FRMPD3: variants seen among roughly 807,000 people sequenced by gnomAD.
FRMPD3 encodes the protein FERM and PDZ domain-containing protein 3.
Under a neutral mutation model 97.9 loss-of-function variants are expected in FRMPD3, and 42 were observed. The ratio of observed to expected loss-of-function variants is 0.43; its 90% CI spans 0.34 to 0.55. The LOEUF is 0.55. Among genes scored for constraint, FRMPD3 ranks in the 20% least tolerant of loss-of-function variants. The pLI is 0.03. For missense variants in FRMPD3, 1,303 were observed against 1,457.7 expected (o/e 0.89, Z 1.73); for synonymous variants, 577 against 581.1 (o/e 0.99, Z 0.10).
chrX:107,498,239 T>C (rs1220314444), intron 1 of FRMPD3, among the ~76,000 whole-genome samples: 2 of 112,205 alleles, frequency 1.8e-5, no homozygotes, highest in African/African-American at 6.5e-5. Flanking sequence ...GGAATTCAGA[T>C]CGCCTGAAGG....
At chrX:107,467,862 A>C in intron 1 of FRMPD3, among the ~76,000 whole-genome samples, 1 of 110,629 alleles carries the variant, frequency 9.0e-6, no homozygotes, top group African/African-American at 3.4e-5. Context: ...CTCCTGTTCT[A>C]AGACCAAGAT....
chrX:107,527,037 CA>C lies in FRMPD3; in HGVS notation c.148+311del, dbSNP rs56244682. 2.9e-3 allele frequency among the ~76,000 whole-genome samples: 308 copies of C among 105,784 alleles called. 1 individual carries two copies. The highest frequency in any genetic ancestry group is 9.5e-3 in the African/African-American group (278 of 29,224). The allele number at this position is 105,784 out of a possible 115,157, so 91.9% of individuals were successfully genotyped here. A position where few individuals can be genotyped will look rare whatever the true frequency, so the allele number is the denominator to read the frequency against. On this transcript the variant is annotated intron_variant, in intron 2 of 14. Transcript: ENST00000683843. Reference sequence around the variant, plus strand: ...TTCATAAAAGAACCATAATGTCTTGCAAAAAAAAAATGTACCTATTCTATTT... The same window carrying C: ...TTCATAAAAGAACCATAATGTCTTGCAAAAAAAAATGTACCTATTCTATTT...
chrX:107,528,836 T>C (rs1699495676), intron 2 of FRMPD3, among the ~76,000 whole-genome samples: 1 of 112,932 alleles, frequency 8.9e-6, no homozygotes, highest in African/African-American at 3.2e-5. Context: ...TCAGGAGACT[T>C]GGCCTAGTGT....
chrX:107,534,933 G>T (rs1923153333), intron 4 of FRMPD3, among the ~76,000 whole-genome samples: 3 of 112,092 alleles, frequency 2.7e-5, no homozygotes, highest in African/African-American at 9.7e-5. Flanking sequence ...CTCTGGGCAG[G>T]CAAGCCCCAC....
rs780222763 is a variant in FRMPD3, at chrX:107,526,693, GGCTGGCA to G, written c.107_113del (p.Ala36ValfsTer10). 7 of 1,206,186 alleles carry G rather than the reference GGCTGGCA, an allele frequency of 5.8e-6. No individual in the cohort carries two copies. The highest frequency in any genetic ancestry group is 7.8e-6 in the Non-Finnish European group (7 of 893,442). ...ACCCTATATATGGCTTTGGCTTCGT[GGCTGGCA>G]GTGAGAGGCCTGTGGTGGTTCGATC... On this transcript the variant is annotated frameshift_variant, in exon 2 of 15. Transcript: ENST00000683843. LOFTEE classifies it high-confidence loss of function.
intron 1 of FRMPD3, among the ~76,000 whole-genome samples, chrX:107,504,789 T>C (rs1921990240): frequency 8.9e-6 from 1 of 111,756 alleles, no homozygotes; most frequent in African/African-American, 3.3e-5. Flanking sequence ...ATGGGTGTCT[T>C]TGGAGGCCTC....
intron 12 of FRMPD3, among the ~76,000 whole-genome samples, chrX:107,567,450 T>C (rs1444850302): frequency 8.9e-6 from 1 of 112,442 alleles, no homozygotes; most frequent in East Asian, 2.8e-4. Context: ...ATGTGGAATA[T>C]GGAACAAAAG....
intron 1 of FRMPD3, among the ~76,000 whole-genome samples, chrX:107,489,827 A>T (rs1314049493): frequency 1.8e-5 from 2 of 111,207 alleles, no homozygotes; most frequent in African/African-American, 6.5e-5. Context: ...GCTGTGCAGA[A>T]GCTCTTTAGT....
chrX:107,562,160 C>G (rs141190021), intron 10 of FRMPD3, among the ~76,000 whole-genome samples: 192 of 112,099 alleles, frequency 1.7e-3, no homozygotes, highest in African/African-American at 5.8e-3. Flanking sequence ...GTACAAAGGC[C>G]CAGAGATATG....
rs755290158 is a variant in FRMPD3, at chrX:107,581,570, G to A, written c.1441+5111G>A. On this transcript the variant is annotated intron_variant, in intron 13 of 14. Coordinates refer to ENST00000683843, the MANE Select transcript of FRMPD3 (RefSeq NM_001388459.1). ...TTAATATATTTAATATATTCACAGG[G>A]TTATACAGCCATTATCACAATCTAA... Among the ~76,000 whole-genome samples, 3 of 110,513 alleles carry A rather than the reference G, an allele frequency of 2.7e-5. No homozygotes were observed. In the East Asian group the frequency reaches 8.4e-4, roughly 31 times the overall value.
intron 4 of FRMPD3, among the ~76,000 whole-genome samples, chrX:107,540,078 A>G (rs961623033): frequency 3.6e-5 from 4 of 112,120 alleles, no homozygotes; most frequent in African/African-American, 9.7e-5. Context: ...TACCAAGTGC[A>G]GCAAAAGGTG....
chrX:107,550,089 T>C lies in FRMPD3; in HGVS notation c.443T>C (p.Val148Ala), dbSNP rs1350007543. 3.3e-6 allele frequency: 4 copies of C among 1,203,518 alleles called. No individual in the cohort carries two copies. Among genetic ancestry groups the C allele is most frequent in the Non-Finnish European group, 4.5e-6 (4 of 891,257 alleles). ...GAAGCTCTCCTCCTCATCCCTAATGTCCTGAAGGTTTTCTTAGAAAATGGG... is the reference window on the plus strand; with the variant it reads ...GAAGCTCTCCTCCTCATCCCTAATGCCCTGAAGGTTTTCTTAGAAAATGGG... ...KKEALLLIPN[V>A]LKVFLENGQI... The change falls in exon 6 of 15, where the codon GTC becomes GCC. Residue 148 changes from valine (V) to alanine (A), a missense_variant. Around this residue, in one of 3 missense-constraint regions of FRMPD3, gnomAD observed 535 missense variants for 618.6 expected, o/e 0.86. Coordinates refer to ENST00000683843, the MANE Select transcript of FRMPD3 (RefSeq NM_001388459.1).
At chrX:107,583,842 A>G (rs1035870168) in intron 13 of FRMPD3, among the ~76,000 whole-genome samples, 1 of 107,111 alleles carries the variant, frequency 9.3e-6, no homozygotes, top group African/African-American at 3.4e-5. Flanking sequence ...ATGATCAATG[A>G]TGTTGAGCAT....
At chrX:107,580,586 T>C (rs1923339063) in intron 13 of FRMPD3, among the ~76,000 whole-genome samples, 3 of 111,577 alleles carry the variant, frequency 2.7e-5, no homozygotes, top group African/African-American at 9.8e-5. Context: ...TGGCAGCTTA[T>C]TGCCAGGCTG....
At chrX:107,547,261 A>G (rs958920431) in intron 5 of FRMPD3, among the ~76,000 whole-genome samples, 2 of 111,534 alleles carry the variant, frequency 1.8e-5, no homozygotes, top group South Asian at 3.8e-4. Context: ...GAACAGGCTT[A>G]TCCTATGCCA....
At chrX:107,459,770 A>G (rs182987871) in intron 1 of FRMPD3, among the ~76,000 whole-genome samples, 2 of 112,463 alleles carry the variant, frequency 1.8e-5, no homozygotes, top group South Asian at 3.7e-4. Flanking sequence ...GGACCACCCA[A>G]TCAAACAGGC....
At chrX:107,561,502 A>C (rs751741437) in intron 10 of FRMPD3, among the ~76,000 whole-genome samples, 8 of 111,101 alleles carry the variant, frequency 7.2e-5, no homozygotes, top group Non-Finnish European at 1.3e-4. Context: ...CACTGGGTGG[A>C]ATGGTGAGGG....
intron 1 of FRMPD3, among the ~76,000 whole-genome samples, chrX:107,457,902 C>T (rs147351632): frequency 1.8e-5 from 2 of 111,404 alleles, no homozygotes; most frequent in Non-Finnish European, 3.8e-5. Flanking sequence ...TCTCTTCCAG[C>T]GTACATTTAT....
chrX:107,473,323 G>A (rs994612152), intron 1 of FRMPD3, among the ~76,000 whole-genome samples: 4 of 112,191 alleles, frequency 3.6e-5, no homozygotes, highest in African/African-American at 1.3e-4. Context: ...TGGATTCCAG[G>A]CCCTGGAACC....
Sources: allele counts gnomAD v4.1 joint callset (sites outside exome capture counted in the v4.1 genomes callset), GRCh38; gene constraint gnomAD v4.1.1; regional missense constraint gnomAD v4.1.1; transcripts MANE v1.5; gene names NCBI Gene and HGNC (gene_info 2026-07-23, HGNC 2026-07-21).